Variants in ADGRF4 observed in about 807,000 individuals in gnomAD.
ADGRF4 encodes adhesion G protein-coupled receptor F4.
Under a neutral mutation model 58.5 loss-of-function variants are expected in ADGRF4, and 63 were observed. That is an observed-to-expected ratio of 1.08 (90% CI 0.88 to 1.33). ADGRF4 has a LOEUF of 1.33. ADGRF4 is among the 40% of genes most tolerant of loss of function. ADGRF4 has a pLI of 0.00. For synonymous variants in ADGRF4, 313 were observed against 295.4 expected (o/e 1.06, Z -0.61); for missense variants, 931 against 843.9 (o/e 1.10, Z -1.28).
rs766041609 is a variant in ADGRF4 at position 47,710,703 on chromosome 6, G to GTC, written c.149-22_149-21dup. On this transcript the variant is annotated intron_variant, in intron 3 of 9. Transcript: ENST00000283303. ...ATGTGGAAATCCTAATTGGGCTCCT[G>GTC]TCTCTCTCTCTTTCTCTTTTTTTCT... The GTC allele has an allele frequency of 3.9e-5, 60 of 1,537,700 alleles. 1 individual carries two copies. The South Asian group carries it at 4.3e-4, about 11-fold the overall frequency.
chr6:47,710,809 G>A lies in ADGRF4; in HGVS notation c.223G>A (p.Gly75Arg), dbSNP rs1771843558. 1 of 1,613,600 alleles carries A rather than the reference G, an allele frequency of 6.2e-7. No homozygotes were observed. The highest frequency in any genetic ancestry group is 2.2e-5 in the East Asian group (1 of 44,828). The change falls in exon 4 of 10, where the codon GGA (glycine) becomes AGA (arginine). Residue 75 changes from glycine to arginine, a missense_variant. Physicochemically the swap from Gly to Arg is moderately radical, Grantham distance 125. Transcript: ENST00000283303. ...TGCTAAGGACTTTCATGGAGAAATA[G>A]GATTTACATGTAATCAAAAAAAGTG... is the stretch of plus-strand genomic sequence containing the variant. ...PCAKDFHGEI[G>R]FTCNQKKWQK...
chr6:47,705,617 A>G (rs1771691703), intron 1 of ADGRF4, among the ~76,000 whole-genome samples: 1 of 152,224 alleles, frequency 6.6e-6, no homozygotes. Context: ...GCATTCTTGT[A>G]AGTGCCTGTG....
chr6:47,703,980 A>G (rs1295733684), intron 1 of ADGRF4, among the ~76,000 whole-genome samples: 1 of 152,172 alleles, frequency 6.6e-6, no homozygotes, highest in Non-Finnish European at 1.5e-5. Context: ...AGCTCAAAAC[A>G]AAACTCCTAT....
intron 1 of ADGRF4, among the ~76,000 whole-genome samples, chr6:47,699,135 T>C (rs144741431): frequency 2.0e-5 from 3 of 152,358 alleles, no homozygotes; most frequent in Non-Finnish European, 2.9e-5. Flanking sequence ...AGACTGAATG[T>C]AAAGCTGGAT....
At chr6:47,705,353 T>C (rs142820860) in intron 1 of ADGRF4, among the ~76,000 whole-genome samples, 2 of 152,358 alleles carry the variant, frequency 1.3e-5, no homozygotes, top group African/African-American at 4.8e-5. Context: ...TGGACAATAT[T>C]CACATTGCAA....
chr6:47,717,787 T>C (rs199609648), intron 8 of ADGRF4, among the ~76,000 whole-genome samples: 2 of 152,210 alleles, frequency 1.3e-5, no homozygotes, highest in African/African-American at 2.4e-5. Flanking sequence ...CAGGGAGCAA[T>C]TGGCATTAAA....
intron 8 of ADGRF4, 114 bp downstream of exon 8, chr6:47,717,465 G>C (rs1772050364): frequency 2.6e-6 from 2 of 755,616 alleles, no homozygotes. Flanking sequence ...GATCAATAAA[G>C]CGTACTTCAT....
rs1772154960 is a variant in ADGRF4 at position 47,721,405 on chromosome 6, G to C, written c.*200G>C. On this transcript the variant is annotated 3_prime_UTR_variant, in exon 10 of 10. Coordinates refer to ENST00000283303, the MANE Select transcript of ADGRF4 (RefSeq NM_153838.5). ...ACATTTGCTGACTGGGCTTTAAGGA[G>C]CATGATTTATGGACCCCTTAACCTA... is the stretch of plus-strand genomic sequence containing the variant. 6.6e-6 allele frequency: 1 copy of C among 152,228 alleles called. No individual in the cohort carries two copies. Among genetic ancestry groups the C allele is most frequent in the South Asian group, 2.1e-4 (1 of 4,828 alleles). 9.4% of individuals were successfully genotyped at this position (152,228 alleles called of 1,614,324 possible). A position where few individuals can be genotyped will look rare whatever the true frequency, so the allele number is the denominator to read the frequency against.
At chr6:47,709,210 C>G (rs1436553799) in intron 3 of ADGRF4, among the ~76,000 whole-genome samples, 1 of 152,214 alleles carries the variant, frequency 6.6e-6, no homozygotes, top group Non-Finnish European at 1.5e-5. Context: ...CTCTCAGCAT[C>G]ATTTACTTTC....
intron 3 of ADGRF4, among the ~76,000 whole-genome samples, chr6:47,708,613 G>A (rs1433509027): frequency 6.6e-6 from 1 of 152,212 alleles, no homozygotes; most frequent in East Asian, 1.9e-4. Flanking sequence ...TTCATTCAAA[G>A]ATATTTTCAG....
chr6:47,700,533 T>G (rs574386433), intron 1 of ADGRF4, among the ~76,000 whole-genome samples: 1 of 152,256 alleles, frequency 6.6e-6, no homozygotes, highest in South Asian at 2.1e-4. Context: ...TAGGGTTTTA[T>G]TAGTTCTGAC....
chr6:47,716,737 G>A, intron 6 of ADGRF4, 69 bp from the exon 7 acceptor site: 21 of 1,146,174 alleles, frequency 1.8e-5, no homozygotes, highest in Non-Finnish European at 2.6e-5. Flanking sequence ...TAGAAGAGCG[G>A]TATGAAAATA....
At chr6:47,708,850 G>A (rs1232836524) in intron 3 of ADGRF4, among the ~76,000 whole-genome samples, 2 of 152,132 alleles carry the variant, frequency 1.3e-5, no homozygotes, top group African/African-American at 4.8e-5. Flanking sequence ...ATATAGATGT[G>A]GAAGTCAGAA....
In ADGRF4 at chr6:47,715,166, A is replaced by G. The variant is rs145907264; in HGVS notation, c.1921A>G (p.Asn641Asp). ...GTTCCATATAATTTTTGCCTTGCTC[A>G]ATGCTTTCCAGGTAAGTTCCAAGAG... is the stretch of plus-strand genomic sequence containing the variant. ...LTFHIIFALL[N>D]AFQGFFILLF... The change falls in exon 6 of 10, where the codon AAT (asparagine) becomes GAT (aspartate). Residue 641 changes from asparagine (N) to aspartate (D), a missense_variant. Coordinates refer to ENST00000283303, the MANE Select transcript of ADGRF4 (RefSeq NM_153838.5). 1 of 1,581,718 alleles carries G rather than the reference A, an allele frequency of 6.3e-7. No individual in the cohort carries two copies. Among genetic ancestry groups the G allele is most frequent in the South Asian group, 1.1e-5 (1 of 88,322 alleles).
chr6:47,713,243 A>G (rs945998141), intron 5 of ADGRF4, among the ~76,000 whole-genome samples: 1 of 149,430 alleles, frequency 6.7e-6, no homozygotes, highest in African/African-American at 2.5e-5. Flanking sequence ...AAGGTTGAGG[A>G]CCACTGCTGT....
At chr6:47,701,934 A>G (rs1252691696) in intron 1 of ADGRF4, among the ~76,000 whole-genome samples, 1 of 152,136 alleles carries the variant, frequency 6.6e-6, no homozygotes, top group Non-Finnish European at 1.5e-5. Flanking sequence ...CCCAGGTTCA[A>G]GCGATTTGAT....
chr6:47,716,868 C>A (rs1195524125), intron 7 of ADGRF4, 21 bp downstream of exon 7: 3 of 1,549,150 alleles, frequency 1.9e-6, no homozygotes, highest in African/African-American at 1.4e-5. Flanking sequence ...TTTGCTTCCT[C>A]CTTATAAATG....
At chr6:47,712,290 C>T in intron 4 of ADGRF4, 67 bp from the exon 5 acceptor site, 1 of 1,504,652 alleles carries the variant, frequency 6.6e-7, no homozygotes, top group South Asian at 1.2e-5. Context: ...TGTGCTTTAA[C>T]TCCTTTAGTC....
chr6:47,702,493 A>T (rs532732777), intron 1 of ADGRF4, among the ~76,000 whole-genome samples: 1 of 152,258 alleles, frequency 6.6e-6, no homozygotes, highest in Admixed American at 6.5e-5. Flanking sequence ...TCAAGGTTAA[A>T]TTTTTCTTCT....
Sources: allele counts gnomAD v4.1 joint callset (sites outside exome capture counted in the v4.1 genomes callset), GRCh38; gene constraint gnomAD v4.1.1; transcripts MANE v1.5; gene names NCBI Gene and HGNC (gene_info 2026-07-23, HGNC 2026-07-21).